Variants in RBFOX1 observed in about 807,000 individuals in gnomAD.
RBFOX1 encodes the protein RNA binding protein fox-1 homolog 1.
RBFOX1 carries 8 observed loss-of-function variants against 57.7 expected under a neutral mutation model. The observed-to-expected ratio is 0.14, with a 90% CI of 0.08 to 0.25. The LOEUF is 0.25. RBFOX1 is among the 10% of genes least tolerant of loss of function. The pLI is 1.00. For missense variants in RBFOX1, 611 were observed against 548.5 expected (o/e 1.11, Z -1.14); for synonymous variants, 326 against 222.4 (o/e 1.47, Z -4.15).
At chr16:6,549,545 AGGAGGATG>A (rs1400868282) in intron 2 of RBFOX1, among the ~76,000 whole-genome samples, 2 of 93,852 alleles carry the variant, frequency 2.1e-5, no homozygotes, top group African/African-American at 4.3e-5. Context: ...GGAGGGGAGG[AGGAGGATG>A]GGAGGAGGGG....
chr16:7,052,456 T>C (rs1277734575), intron 4 of RBFOX1, among the ~76,000 whole-genome samples: 1 of 152,170 alleles, frequency 6.6e-6, no homozygotes, highest in African/African-American at 2.4e-5. Flanking sequence ...TACCAGGCTG[T>C]TTGCTGAGTG....
At chr16:7,356,442 A>C (rs549391789) in intron 4 of RBFOX1, among the ~76,000 whole-genome samples, 1 of 152,304 alleles carries the variant, frequency 6.6e-6, no homozygotes, top group Admixed American at 6.5e-5. Context: ...ACTGAGAAGA[A>C]AGTGACTGGA....
chr16:6,831,996 G>C (rs1324906993), intron 3 of RBFOX1, among the ~76,000 whole-genome samples: 1 of 152,186 alleles, frequency 6.6e-6, no homozygotes, highest in Non-Finnish European at 1.5e-5. Context: ...ATACCGAATG[G>C]TATCACTAAT....
intron 3 of RBFOX1, among the ~76,000 whole-genome samples, chr16:5,710,541 C>G (rs2051447124): frequency 6.6e-6 from 1 of 152,198 alleles, no homozygotes; most frequent in Non-Finnish European, 1.5e-5. Context: ...CACATGGGTT[C>G]TCTCAAGGCA....
At chr16:7,112,377 T>C (rs1567303560) in intron 4 of RBFOX1, among the ~76,000 whole-genome samples, 1 of 47,126 alleles carries the variant, frequency 2.1e-5, no homozygotes, top group Non-Finnish European at 3.9e-5. Context: ...TAATTTTTTG[T>C]ATTTTTTTTT....
intron 10 of RBFOX1, among the ~76,000 whole-genome samples, chr16:7,623,757 G>A (rs1478009712): frequency 2.6e-5 from 4 of 152,112 alleles, no homozygotes; most frequent in Admixed American, 6.5e-5. Flanking sequence ...TCATGGTGTT[G>A]GCAGGGTTGG....
chr16:7,015,313 C>G (rs1349733682), intron 3 of RBFOX1, among the ~76,000 whole-genome samples: 1 of 152,112 alleles, frequency 6.6e-6, no homozygotes, highest in Non-Finnish European at 1.5e-5. Context: ...GATTGTTCTT[C>G]TAGACTATGG....
chr16:6,572,173 G>A (rs989083416), intron 2 of RBFOX1, among the ~76,000 whole-genome samples: 3 of 151,954 alleles, frequency 2.0e-5, no homozygotes, highest in Admixed American at 6.6e-5. Context: ...TTGATATCCC[G>A]TCGTGGAAGT....
At chr16:6,090,104 G>C (rs191331980) in intron 1 of RBFOX1, 4 of 152,008 alleles carry the variant, frequency 2.6e-5, no homozygotes, top group African/African-American at 9.7e-5. Context: ...GCCTTGGCTC[G>C]TGGCCCCTTC....
chr16:7,551,390 G>A lies in RBFOX1; in HGVS notation c.271-28387G>A, dbSNP rs2086483578. Among the ~76,000 whole-genome samples the A allele has an allele frequency of 2.0e-5, 3 of 152,182 alleles. No homozygotes were observed. In the South Asian group the frequency reaches 6.2e-4, roughly 32 times the overall value. Reference sequence around the variant, plus strand: ...TCCAGGGGCCCCAGCTCACTGCCTTGAGAGGGTCTCTAAGCCATAGGACAA... The same window carrying A: ...TCCAGGGGCCCCAGCTCACTGCCTTAAGAGGGTCTCTAAGCCATAGGACAA... On this transcript the variant is annotated intron_variant, in intron 5 of 15. Coordinates refer to ENST00000550418, the MANE Select transcript of RBFOX1 (RefSeq NM_018723.4).
intron 1 of RBFOX1, among the ~76,000 whole-genome samples, chr16:6,289,505 C>G (rs912542504): frequency 6.6e-6 from 1 of 152,106 alleles, no homozygotes; most frequent in Non-Finnish European, 1.5e-5. Flanking sequence ...ATTCTTGAGT[C>G]GGCTAATGCT....
At chr16:6,135,489 T>C (rs2096659783) in intron 1 of RBFOX1, among the ~76,000 whole-genome samples, 1 of 152,170 alleles carries the variant, frequency 6.6e-6, no homozygotes, top group Admixed American at 6.5e-5. Context: ...ATCATCATTT[T>C]GAGGCAAATT....
chr16:7,542,430 C>G (rs17144054), intron 5 of RBFOX1, among the ~76,000 whole-genome samples: 139 of 151,518 alleles, frequency 9.2e-4, no homozygotes, highest in Non-Finnish European at 1.6e-3. Flanking sequence ...TTTACCCAAA[C>G]GGGTGCAAGT....
At chr16:6,820,419 G>T (rs2091065218) in intron 3 of RBFOX1, among the ~76,000 whole-genome samples, 1 of 152,136 alleles carries the variant, frequency 6.6e-6, no homozygotes, top group Non-Finnish European at 1.5e-5. Flanking sequence ...CATTTTGGGA[G>T]GCTGGGGAGG....
chr16:6,427,091 T>C (rs2093950743), intron 2 of RBFOX1, among the ~76,000 whole-genome samples: 2 of 152,246 alleles, frequency 1.3e-5, no homozygotes, highest in Admixed American at 1.3e-4. Flanking sequence ...TGATATGCTG[T>C]AGAGTGACAC....
intron 3 of RBFOX1, among the ~76,000 whole-genome samples, chr16:6,997,366 C>T (rs754114417): frequency 7.2e-5 from 11 of 152,122 alleles, no homozygotes; most frequent in Admixed American, 2.6e-4. Flanking sequence ...CTTAAAGGTA[C>T]AATTGTCAAC....
intron 2 of RBFOX1, chr16:6,576,999 C>T (rs979025575): frequency 1.3e-5 from 2 of 152,226 alleles, no homozygotes; most frequent in Admixed American, 6.5e-5. Flanking sequence ...TGACCGAATT[C>T]TGCCCAGTGA....
chr16:5,532,099 G>T (rs2044502135), intron 2 of RBFOX1, among the ~76,000 whole-genome samples: 1 of 152,168 alleles, frequency 6.6e-6, no homozygotes, highest in African/African-American at 2.4e-5. Context: ...ATGCGTGACT[G>T]TCAAGTTCTT....
intron 3 of RBFOX1, among the ~76,000 whole-genome samples, chr16:5,742,781 T>C (rs942385631): frequency 2.0e-5 from 3 of 152,168 alleles, no homozygotes; most frequent in Non-Finnish European, 4.4e-5. Context: ...GGCTTCAAAT[T>C]AGTATTAGTC....
Sources: allele counts gnomAD v4.1 joint callset (sites outside exome capture counted in the v4.1 genomes callset), GRCh38; gene constraint gnomAD v4.1.1; transcripts MANE v1.5; gene names NCBI Gene and HGNC (gene_info 2026-07-23, HGNC 2026-07-21).